TAFA1: variants seen among roughly 807,000 people sequenced by gnomAD.
The protein encoded by TAFA1 is TAFA chemokine like family member 1.
TAFA1 carries 4 observed loss-of-function variants against 18.5 expected under a neutral mutation model. That is an observed-to-expected ratio of 0.22 (90% CI 0.11 to 0.49). The LOEUF (loss-of-function observed/expected upper bound fraction) is 0.49, where lower values mean the gene tolerates loss of function less well. Among genes scored for constraint, TAFA1 ranks in the 20% least tolerant of loss-of-function variants. TAFA1 has a pLI of 0.98. For synonymous variants in TAFA1, 56 were observed against 55.2 expected (o/e 1.01, Z -0.06); for missense variants, 147 against 169.0 (o/e 0.87, Z 0.72).
intron 3 of TAFA1, among the ~76,000 whole-genome samples, chr3:68,529,499 T>A (rs564084730): frequency 6.9e-6 from 1 of 145,938 alleles, no homozygotes; most frequent in Non-Finnish European, 1.5e-5. Flanking sequence ...AGAACTTCCA[T>A]AGTCTTATTA....
intron 3 of TAFA1, among the ~76,000 whole-genome samples, chr3:68,441,361 C>G (rs912154789): frequency 6.6e-6 from 1 of 152,074 alleles, no homozygotes; most frequent in Non-Finnish European, 1.5e-5. Flanking sequence ...CTGGCAAGCC[C>G]CCATAGGTGA....
At chr3:68,354,227 A>G (rs1299247246) in intron 2 of TAFA1, among the ~76,000 whole-genome samples, 1 of 151,954 alleles carries the variant, frequency 6.6e-6, no homozygotes, top group East Asian at 1.9e-4. Context: ...ATTTCTTTTA[A>G]TGGAATTGTC....
the TAFA1 span, among the ~76,000 whole-genome samples, chr3:67,996,799 A>C: frequency 4.7e-3 from 346 of 73,384 alleles, 2 homozygotes; most frequent in African/African-American, 0.016. Context: ...ACCTCAAAAA[A>C]ACAAAAATAA....
At chr3:68,055,137 C>G (rs2064517929) in intron 2 of TAFA1, among the ~76,000 whole-genome samples, 1 of 152,008 alleles carries the variant, frequency 6.6e-6, no homozygotes, top group Non-Finnish European at 1.5e-5. Context: ...AGTTAATTAC[C>G]AAGCCACCTG....
chr3:68,327,779 G>A (rs2068800589), intron 2 of TAFA1, among the ~76,000 whole-genome samples: 1 of 152,150 alleles, frequency 6.6e-6, no homozygotes, highest in Non-Finnish European at 1.5e-5. Flanking sequence ...TGGATGCTGA[G>A]TTTTTATTAA....
chr3:68,103,907 T>G (rs769003069), intron 2 of TAFA1, among the ~76,000 whole-genome samples: 4 of 152,152 alleles, frequency 2.6e-5, no homozygotes, highest in Non-Finnish European at 5.9e-5. Flanking sequence ...ATCTCAGAGT[T>G]CCTACCTATG....
chr3:68,193,659 CA>C (rs1159877786), intron 2 of TAFA1, among the ~76,000 whole-genome samples: 1 of 151,534 alleles, frequency 6.6e-6, no homozygotes, highest in Non-Finnish European at 1.5e-5. Context: ...AATTATTATG[CA>C]AATCAATAGG....
At chr3:68,040,756 A>G (rs1298660784) in intron 2 of TAFA1, among the ~76,000 whole-genome samples, 1 of 152,212 alleles carries the variant, frequency 6.6e-6, no homozygotes, top group African/African-American at 2.4e-5. Context: ...ATCTGTTTAA[A>G]AAAGCCCTTC....
At chr3:68,401,611 G>A (rs183577937) in intron 2 of TAFA1, among the ~76,000 whole-genome samples, 67 of 152,270 alleles carry the variant, frequency 4.4e-4, no homozygotes, top group Admixed American at 4.3e-3. Context: ...GCGTCTTTTC[G>A]TCAGTAACAC....
At chr3:68,422,033 G>A (rs1025658009) in intron 3 of TAFA1, among the ~76,000 whole-genome samples, 1 of 151,942 alleles carries the variant, frequency 6.6e-6, no homozygotes, top group African/African-American at 2.4e-5. Flanking sequence ...ATTGCCCAGG[G>A]ACTATTACTA....
chr3:68,351,054 G>A (rs980646518), intron 2 of TAFA1, among the ~76,000 whole-genome samples: 40 of 152,082 alleles, frequency 2.6e-4, no homozygotes, highest in South Asian at 6.2e-4. Context: ...ATGCTCATTG[G>A]CATCATACAG....
At chr3:68,376,375 T>C (rs1385994524) in intron 2 of TAFA1, among the ~76,000 whole-genome samples, 1 of 151,986 alleles carries the variant, frequency 6.6e-6, no homozygotes, top group Non-Finnish European at 1.5e-5. Flanking sequence ...CAGTACCCAT[T>C]AGTTAGTTTT....
intron 3 of TAFA1, among the ~76,000 whole-genome samples, chr3:68,484,099 C>T (rs2072289530): frequency 6.6e-6 from 1 of 152,204 alleles, no homozygotes; most frequent in Admixed American, 6.5e-5. Flanking sequence ...CTGCTTTACT[C>T]CAAATGCATC....
intron 2 of TAFA1, among the ~76,000 whole-genome samples, chr3:68,255,431 A>G (rs142601384): frequency 6.6e-6 from 1 of 152,256 alleles, no homozygotes; most frequent in East Asian, 1.9e-4. Context: ...TGTACCAAGG[A>G]AGTATTGAGA....
chr3:68,150,695 C>T (rs1164361711), intron 2 of TAFA1, among the ~76,000 whole-genome samples: 1 of 152,014 alleles, frequency 6.6e-6, no homozygotes, highest in Non-Finnish European at 1.5e-5. Flanking sequence ...TCTTTCTTTC[C>T]CGCCTATTGA....
At chr3:68,042,951 G>A (rs1442849107) in intron 2 of TAFA1, among the ~76,000 whole-genome samples, 3 of 151,944 alleles carry the variant, frequency 2.0e-5, no homozygotes, top group Non-Finnish European at 2.9e-5. Flanking sequence ...GCAGTGGCAC[G>A]GTCTCGGCTC....
chr3:68,323,122 T>C (rs1481323513), intron 2 of TAFA1, among the ~76,000 whole-genome samples: 1 of 152,188 alleles, frequency 6.6e-6, no homozygotes, highest in Non-Finnish European at 1.5e-5. Context: ...AAAATGCTAA[T>C]GTGATTTTGC....
chr3:68,444,082 G>A (rs964232613), intron 3 of TAFA1, among the ~76,000 whole-genome samples: 1 of 152,152 alleles, frequency 6.6e-6, no homozygotes, highest in Non-Finnish European at 1.5e-5. Context: ...GCCTCGACAG[G>A]TTTTCTTTTT....
At chr3:68,052,037 G>T (rs1456866934) in intron 2 of TAFA1, among the ~76,000 whole-genome samples, 1 of 151,910 alleles carries the variant, frequency 6.6e-6, no homozygotes, top group African/African-American at 2.4e-5. Flanking sequence ...AATTACTAAG[G>T]TGTCTCTGTC....
Sources: allele counts gnomAD v4.1 joint callset (sites outside exome capture counted in the v4.1 genomes callset), GRCh38; gene constraint gnomAD v4.1.1; transcripts MANE v1.5; gene names NCBI Gene and HGNC (gene_info 2026-07-23, HGNC 2026-07-21).